The following DPY19L4 variants were observed in gnomAD, a reference collection of about 807,000 sequenced individuals.
DPY19L4 encodes dpy-19 like 4.
Under a neutral mutation model 102.8 loss-of-function variants are expected in DPY19L4, and 97 were observed. The ratio of observed to expected loss-of-function variants is 0.94; its 90% CI spans 0.80 to 1.12. The LOEUF (loss-of-function observed/expected upper bound fraction) is 1.12. DPY19L4 is among the 50% of genes most tolerant of loss of function. The probability of loss-of-function intolerance (pLI) is 0.00; values close to 1 mark genes in which losing one functional copy is unlikely to be tolerated. For missense variants in DPY19L4, 815 were observed against 850.4 expected, an observed-to-expected ratio of 0.96 and a Z score of 0.52; for synonymous variants, 252 against 283.1, an observed-to-expected ratio of 0.89 and a Z score of 1.10.
chr8:94,764,689 G>GTGTGTGTGTGTGTATA lies in DPY19L4; in HGVS notation c.871-493_871-492insGTGTGTGTGTGTATAT, dbSNP rs1415377058. Among the ~76,000 whole-genome samples, 61 of 43,170 alleles carry GTGTGTGTGTGTGTATA rather than the reference G, an allele frequency of 1.4e-3. 1 individual carries two copies. Among genetic ancestry groups the GTGTGTGTGTGTGTATA allele is most frequent in the Admixed American group, 4.6e-3 (10 of 2,154 alleles). The allele number at this position is 43,170 out of a possible 152,430, so 28.3% of individuals were successfully genotyped here. ...TGCGTGTGTGTGTGTGTCTGTGTGT[G>GTGTGTGTGTGTGTATA]TATATATATATATATATATATATAT... On this transcript the variant is annotated intron_variant, in intron 8 of 18. Coordinates refer to ENST00000414645, the MANE Select transcript of DPY19L4 (RefSeq NM_181787.3).
chr8:94,738,517 T>TA, intron 4 of DPY19L4, 58 bp downstream of exon 4: 1 of 282,700 alleles, frequency 3.5e-6, no homozygotes, highest in Non-Finnish European at 5.5e-6. Context: ...TTTTCTTTTC[T>TA]TTTTTTTTTT....
At chr8:94,734,180 T>C (rs890982659) in intron 2 of DPY19L4, among the ~76,000 whole-genome samples, 1 of 151,346 alleles carries the variant, frequency 6.6e-6, no homozygotes, top group Non-Finnish European at 1.5e-5. Flanking sequence ...TGCCTCAGCC[T>C]CCCGAGTAGC....
chr8:94,767,418 C>G (rs113207799), intron 11 of DPY19L4, among the ~76,000 whole-genome samples: 2 of 151,924 alleles, frequency 1.3e-5, no homozygotes, highest in Non-Finnish European at 2.9e-5. Context: ...CTCAGCCCCC[C>G]GAGTAGCTGG....
rs780712569 is a variant in DPY19L4 at position 94,783,712 on chromosome 8, G to A, written c.1758G>A (p.Gln586=). The A allele has an allele frequency of 6.2e-7, 1 of 1,614,176 alleles. No individual in the cohort carries two copies. The highest frequency in any genetic ancestry group is 1.7e-5 in the Admixed American group (1 of 60,012). The change falls in exon 17 of 19, where the codon CAG becomes CAA. Residue 586 remains glutamine, a synonymous_variant. Coordinates refer to ENST00000414645, the MANE Select transcript of DPY19L4 (RefSeq NM_181787.3). ...CAGCTGTGTTTGCAGGGAGTCCACA[G>A]TTAATGGGTGCGATTAAATTATGCA... The part of the protein sequence containing the change: ...PVAAVFAGSP[Q]LMGAIKLCTG...
intron 14 of DPY19L4, among the ~76,000 whole-genome samples, chr8:94,778,669 T>G (rs1474974240): frequency 6.6e-6 from 1 of 151,874 alleles, no homozygotes; most frequent in Non-Finnish European, 1.5e-5. Context: ...TTCTTTTTCT[T>G]TCTTTTTTTT....
chr8:94,738,451 T>G lies in DPY19L4; in HGVS notation c.335T>G (p.Phe112Cys), dbSNP rs766028795. 6.6e-7 allele frequency: 1 copy of G among 1,525,162 alleles called. No individual in the cohort carries two copies. The allele number at this position is 1,525,162 out of a possible 1,614,324, so 94.5% of individuals were successfully genotyped here. A position where few individuals can be genotyped will look rare whatever the true frequency, so the allele number is the denominator to read the frequency against. Residue 112 changes from phenylalanine (F) to cysteine (C), a missense_variant, in exon 4 of 19, where the codon TTT becomes TGT. Physicochemically the swap from Phe to Cys is radical, Grantham distance 205. Coordinates refer to ENST00000414645, the MANE Select transcript of DPY19L4 (RefSeq NM_181787.3). ...AAAGATATGTTAAAGGCACCTTCAT[T>G]TGAAAGAGGTATGATAATCACAGTT... ...YYKDMLKAPS[F>C]ERGVYELTHN...
chr8:94,779,294 T>C (rs1467183250), intron 14 of DPY19L4, among the ~76,000 whole-genome samples: 2 of 151,178 alleles, frequency 1.3e-5, no homozygotes, highest in Non-Finnish European at 2.9e-5. Flanking sequence ...ATGGAAATCA[T>C]GATTCACACC....
At chr8:94,744,166 A>G (rs1303610165) in intron 6 of DPY19L4, among the ~76,000 whole-genome samples, 1 of 152,218 alleles carries the variant, frequency 6.6e-6, no homozygotes, top group African/African-American at 2.4e-5. Flanking sequence ...GTTCTAGCTC[A>G]GGGTCTCTCA....
At chr8:94,728,674 G>T (rs963678842) in intron 2 of DPY19L4, among the ~76,000 whole-genome samples, 1 of 152,176 alleles carries the variant, frequency 6.6e-6, no homozygotes, top group East Asian at 1.9e-4. Flanking sequence ...TGATAATACT[G>T]TTTCCTGTGA....
At chr8:94,761,190 GA>G in intron 7 of DPY19L4, among the ~76,000 whole-genome samples, 1 of 152,300 alleles carries the variant, frequency 6.6e-6, no homozygotes, top group East Asian at 1.9e-4. Context: ...AATAGAGCCT[GA>G]AAGTTTCATA....
At chr8:94,734,605 C>G (rs7815731) in intron 2 of DPY19L4, 25 bp from the exon 3 acceptor site, 971,935 of 1,592,962 alleles carry the variant, frequency 0.61, 300,712 homozygotes, top group African/African-American at 0.7. Context: ...ATTACCTTTT[C>G]ATTACTTTTA....
rs1044152954 is a variant in DPY19L4 at position 94,777,519 on chromosome 8, T to C, written c.1455-147T>C. The C allele has an allele frequency of 1.8e-4, 172 of 952,594 alleles. 1 individual carries two copies. The highest frequency in any genetic ancestry group is 1.8e-3 in the Middle Eastern group (5 of 2,790). The allele number at this position is 952,594 out of a possible 1,614,324, so 59.0% of individuals were successfully genotyped here. On this transcript the variant is annotated intron_variant, in intron 13 of 18. Transcript: ENST00000414645. ...TTTTAAAAAACTGGATAACAATCTGTTGCTGAAAATTAGAGTCTAAGCTTT... is the reference window on the plus strand; with the variant it reads ...TTTTAAAAAACTGGATAACAATCTGCTGCTGAAAATTAGAGTCTAAGCTTT...
At chr8:94,720,289 G>A (rs769982487) in intron 1 of DPY19L4, 265 of 982,826 alleles carry the variant, frequency 2.7e-4, no homozygotes, top group Admixed American at 3.7e-4. Flanking sequence ...TGCCGGGAGT[G>A]GTTGGGAAAG....
chr8:94,734,092 C>T (rs1472628433), intron 2 of DPY19L4, among the ~76,000 whole-genome samples: 1 of 139,232 alleles, frequency 7.2e-6, no homozygotes, highest in Non-Finnish European at 1.5e-5. Flanking sequence ...CGGAATCTTG[C>T]TCTGTCCCCC....
intron 4 of DPY19L4, among the ~76,000 whole-genome samples, chr8:94,739,011 T>C (rs566227598): frequency 3.3e-5 from 5 of 152,362 alleles, no homozygotes; most frequent in African/African-American, 1.2e-4. Flanking sequence ...CCTTGTGTTA[T>C]GAATATCCCA....
At chr8:94,739,917 C>A in intron 6 of DPY19L4, 127 bp downstream of exon 6, 1 of 1,149,674 alleles carries the variant, frequency 8.7e-7, no homozygotes, top group Non-Finnish European at 1.2e-6. Flanking sequence ...TGATGAGATG[C>A]CATTCCCATG....
intron 6 of DPY19L4, among the ~76,000 whole-genome samples, chr8:94,739,995 G>A (rs1014164268): frequency 6.6e-6 from 1 of 152,150 alleles, no homozygotes; most frequent in Non-Finnish European, 1.5e-5. Flanking sequence ...GTCTAATCAC[G>A]TGAGCCCTTA....
At chr8:94,787,257 A>G (rs1813696217) in intron 17 of DPY19L4, among the ~76,000 whole-genome samples, 1 of 152,202 alleles carries the variant, frequency 6.6e-6, no homozygotes, top group Admixed American at 6.5e-5. Context: ...GTAAATAACT[A>G]TGAATAGGTA....
intron 6 of DPY19L4, among the ~76,000 whole-genome samples, chr8:94,741,067 T>G (rs1296962711): frequency 1.3e-5 from 2 of 152,202 alleles, no homozygotes; most frequent in African/African-American, 4.8e-5. Context: ...AATCTGAAAG[T>G]TATGTGTAAA....
Sources: allele counts gnomAD v4.1 joint callset (sites outside exome capture counted in the v4.1 genomes callset), GRCh38; gene constraint gnomAD v4.1.1; transcripts MANE v1.5; gene names NCBI Gene and HGNC (gene_info 2026-07-23, HGNC 2026-07-21).